BNC1: variants seen among roughly 807,000 people sequenced by gnomAD.
The protein encoded by BNC1 is zinc finger protein basonuclin-1.
A neutral mutation model predicts 66.5 loss-of-function variants in BNC1; 8 were observed. The observed-to-expected ratio is 0.12, with a 90% CI of 0.07 to 0.22. BNC1 has a LOEUF of 0.22. Ranked by LOEUF, BNC1 falls within the 10% of genes least tolerant of loss-of-function variation. The pLI, the probability that BNC1 is intolerant of heterozygous loss-of-function variation, is 1.00. For synonymous variants in BNC1, 454 were observed against 452.6 expected, an observed-to-expected ratio of 1.00 and a Z score of -0.04; for missense variants, 1,069 against 1,241.3, an observed-to-expected ratio of 0.86 and a Z score of 2.09.
Position 83,257,436 on chromosome 15 carries a change from A to G in BNC1, c.*6T>C, listed in dbSNP as rs970948002. ...CTTATCTGAGCATACTTGGTTTGCCATCTTGTTACTGGAGGTGACTTGGAG... is the reference window on the plus strand; with the variant it reads ...CTTATCTGAGCATACTTGGTTTGCCGTCTTGTTACTGGAGGTGACTTGGAG... On this transcript the variant is annotated 3_prime_UTR_variant, in exon 5 of 5. Coordinates refer to ENST00000345382, the MANE Select transcript of BNC1 (RefSeq NM_001717.4). 12 of 1,607,500 alleles carry G rather than the reference A, an allele frequency of 7.5e-6. No individual in the cohort carries two copies. Among genetic ancestry groups the G allele is most frequent in the Non-Finnish European group, 1.0e-5 (12 of 1,176,494 alleles).
chr15:83,264,497 G>C lies in BNC1; in HGVS notation c.754C>G (p.Leu252Val). 6.2e-7 allele frequency: 1 copy of C among 1,614,200 alleles called. No homozygotes were observed. Among genetic ancestry groups the C allele is most frequent in the Non-Finnish European group, 8.5e-7 (1 of 1,180,042 alleles). Residue 252 changes from leucine (L) to valine (V), a missense_variant, in exon 4 of 5, where the codon CTG (leucine) becomes GTG (valine). Leu to Val is a conservative substitution (Grantham distance 32). Transcript: ENST00000345382. Reference protein sequence around the residue: ...FMLPFQFFNPLPPALIGSLPE... With the variant: ...FMLPFQFFNPVPPALIGSLPE... ...AATGACCCTATCAGTGCAGGAGGCA[G>C]AGGGTTGAAGAACTGGAAAGGCAGC...
Position 83,262,931 on chromosome 15 carries a change from A to G in BNC1, c.2300+20T>C. The G allele has an allele frequency of 6.4e-7, 1 of 1,569,668 alleles. No individual in the cohort carries two copies. Among genetic ancestry groups the G allele is most frequent in the Non-Finnish European group, 8.6e-7 (1 of 1,159,792 alleles). On this transcript the variant is annotated intron_variant, in intron 4 of 4. Transcript: ENST00000345382. The stretch of plus-strand genomic sequence containing the variant: ...AAGAGCCACTGCCTTAGAAAAAATG[A>G]TTGCCTACAGATGCCTTACCTGTCT...
At chr15:83,261,205 T>C (rs2038136914) in intron 4 of BNC1, among the ~76,000 whole-genome samples, 2 of 152,232 alleles carry the variant, frequency 1.3e-5, no homozygotes. Flanking sequence ...TCTTGGAGGC[T>C]GAAGAAGGAC....
chr15:83,280,053 A>C (rs974472270), intron 1 of BNC1, among the ~76,000 whole-genome samples: 1 of 152,240 alleles, frequency 6.6e-6, no homozygotes, highest in African/African-American at 2.4e-5. Flanking sequence ...GATGTCTATG[A>C]ATCAAAGTAT....
At chr15:83,260,320 G>T (rs912723898) in intron 4 of BNC1, among the ~76,000 whole-genome samples, 1 of 151,988 alleles carries the variant, frequency 6.6e-6, no homozygotes, top group South Asian at 2.1e-4. Context: ...AAAATGTAGG[G>T]TTTTTTTCAT....
At chr15:83,262,278 C>T (rs1003785164) in intron 4 of BNC1, among the ~76,000 whole-genome samples, 4 of 152,096 alleles carry the variant, frequency 2.6e-5, no homozygotes, top group Admixed American at 2.6e-4. Context: ...GTCTCGATCT[C>T]TTGACCTTGT....
intron 1 of BNC1, among the ~76,000 whole-genome samples, 168 bp from the exon 2 acceptor site, chr15:83,268,400 C>A (rs1376469719): frequency 6.6e-6 from 1 of 152,174 alleles, no homozygotes; most frequent in Non-Finnish European, 1.5e-5. Flanking sequence ...AGATGAGCAG[C>A]CACCCCTGCA....
intron 1 of BNC1, among the ~76,000 whole-genome samples, chr15:83,284,183 C>T (rs1406474150): frequency 1.3e-5 from 2 of 152,120 alleles, no homozygotes; most frequent in African/African-American, 2.4e-5. Context: ...GGGGTGCGGG[C>T]GGCAGAGAGT....
intron 1 of BNC1, among the ~76,000 whole-genome samples, chr15:83,276,419 G>A (rs1418083591): frequency 1.3e-5 from 2 of 152,236 alleles, no homozygotes; most frequent in Non-Finnish European, 2.9e-5. Context: ...TATTATCTGA[G>A]AAAGTAAACG....
chr15:83,283,233 G>A, intron 1 of BNC1: 2 of 1,535,678 alleles, frequency 1.3e-6, no homozygotes, highest in East Asian at 2.4e-5. Flanking sequence ...TTGGCTCGGA[G>A]CTACGCGCTG....
chr15:83,260,598 C>T (rs1043569562), intron 4 of BNC1, among the ~76,000 whole-genome samples: 3 of 152,196 alleles, frequency 2.0e-5, no homozygotes, highest in African/African-American at 7.2e-5. Context: ...TCACATTCAA[C>T]TGTAATTGCC....
Position 83,264,563 on chromosome 15 carries a change from T to A in BNC1, c.688A>T (p.Ile230Leu). ...TPVDKGNPSS[I>L]HPFENLISNM... ...CTTATGAGGTTCTCAAAGGGGTGTATACTGCTGGGGTTTCCTTTGTCCACA... is the reference window on the plus strand; with the variant it reads ...CTTATGAGGTTCTCAAAGGGGTGTAAACTGCTGGGGTTTCCTTTGTCCACA... The change falls in exon 4 of 5, where the codon ATA becomes TTA. Residue 230 changes from isoleucine to leucine, a missense_variant. This residue lies in a region of BNC1 where 181 missense variants were observed against 181.5 expected (regional missense o/e 1.00). Transcript: ENST00000345382. The A allele has an allele frequency of 6.2e-7, 1 of 1,614,108 alleles. No individual in the cohort carries two copies. The highest frequency in any genetic ancestry group is 8.5e-7 in the Non-Finnish European group (1 of 1,180,024).
At chr15:83,274,687 C>T (rs1220600500) in intron 1 of BNC1, among the ~76,000 whole-genome samples, 1 of 152,154 alleles carries the variant, frequency 6.6e-6, no homozygotes, top group Non-Finnish European at 1.5e-5. Context: ...TGTAACATGC[C>T]CAGGGTCACG....
At chr15:83,268,399 G>A (rs1198174239) in intron 1 of BNC1, among the ~76,000 whole-genome samples, 167 bp from the exon 2 acceptor site, 1 of 152,194 alleles carries the variant, frequency 6.6e-6, no homozygotes, top group Non-Finnish European at 1.5e-5. Context: ...AAGATGAGCA[G>A]CCACCCCTGC....
chr15:83,257,208 C>A lies in BNC1; in HGVS notation c.*234G>T, dbSNP rs2038083047. 3 of 566,044 alleles carry A rather than the reference C, an allele frequency of 5.3e-6. No homozygotes were observed. The Admixed American group carries it at 1.0e-4, about 19-fold the overall frequency. 35.1% of individuals were successfully genotyped at this position (566,044 alleles called of 1,614,324 possible). ...AAAAATCACATTTCTGCAAGTTTTC[C>A]TTGTATCAGTGAAAGACCTCTTGGG... is the stretch of plus-strand genomic sequence containing the variant. On this transcript the variant is annotated 3_prime_UTR_variant, in exon 5 of 5. Transcript: ENST00000345382.
Position 83,284,525 on chromosome 15 carries a change from C to G in BNC1, c.99+5G>C. Reference sequence around the variant, plus strand: ...CCCCGCGCCCGCGGAGGGCGCCGCGCTTACCTCGGCCATCCTGCGACCGCT... The same window carrying G: ...CCCCGCGCCCGCGGAGGGCGCCGCGGTTACCTCGGCCATCCTGCGACCGCT... On this transcript the variant is annotated splice_donor_5th_base_variant and intron_variant, in intron 1 of 4. Transcript: ENST00000345382. The G allele has an allele frequency of 8.4e-7, 1 of 1,195,430 alleles. No homozygotes were observed. The highest frequency in any genetic ancestry group is 1.0e-6 in the Non-Finnish European group (1 of 953,034). The allele number at this position is 1,195,430 out of a possible 1,614,324, so 74.1% of individuals were successfully genotyped here.
intron 1 of BNC1, among the ~76,000 whole-genome samples, chr15:83,282,545 G>A (rs1298552852): frequency 9.2e-5 from 14 of 152,002 alleles, no homozygotes; most frequent in Non-Finnish European, 2.1e-4. Flanking sequence ...ATTTTAACAA[G>A]GTTTTAATAT....
At chr15:83,273,942 T>A (rs902090468) in intron 1 of BNC1, among the ~76,000 whole-genome samples, 12 of 152,178 alleles carry the variant, frequency 7.9e-5, no homozygotes, top group African/African-American at 2.7e-4. Flanking sequence ...GCTGTTTTCA[T>A]CTCTAGTATG....
chr15:83,262,857 G>GTCTGTGTT lies in BNC1; in HGVS notation c.2300+86_2300+93dup, dbSNP rs2038159728. 7.7e-6 allele frequency: 10 copies of GTCTGTGTT among 1,305,804 alleles called. No homozygotes were observed. The Admixed American group carries it at 2.8e-4, about 36-fold the overall frequency. The allele number at this position is 1,305,804 out of a possible 1,614,324, so 80.9% of individuals were successfully genotyped here. On this transcript the variant is annotated intron_variant, in intron 4 of 4. Coordinates refer to ENST00000345382, the MANE Select transcript of BNC1 (RefSeq NM_001717.4). ...GGAAATTCTAGGGTGGGGCTCAGAA[G>GTCTGTGTT]TCTGTGTTTTAACAATTCTCCGGGT...
Sources: allele counts gnomAD v4.1 joint callset (sites outside exome capture counted in the v4.1 genomes callset), GRCh38; gene constraint gnomAD v4.1.1; regional missense constraint gnomAD v4.1.1; transcripts MANE v1.5; gene names NCBI Gene and HGNC (gene_info 2026-07-23, HGNC 2026-07-21).